COP1: variants seen among roughly 807,000 people sequenced by gnomAD.
The protein encoded by COP1 is COP1 E3 ubiquitin ligase, also known as E3 ubiquitin-protein ligase COP1.
Under a neutral mutation model 101.3 loss-of-function variants are expected in COP1, and 24 were observed. That is an observed-to-expected ratio of 0.24 (90% CI 0.17 to 0.33). COP1 has a LOEUF of 0.33. Ranked by LOEUF, COP1 falls within the 10% of genes least tolerant of loss-of-function variation. COP1 has a pLI of 1.00. For missense variants in COP1, 663 were observed against 906.2 expected (o/e 0.73, Z 3.45); for synonymous variants, 347 against 341.9 (o/e 1.01, Z -0.17).
At chr1:176,032,734 A>T (rs1355820557) in intron 14 of COP1, among the ~76,000 whole-genome samples, 2 of 152,054 alleles carry the variant, frequency 1.3e-5, no homozygotes, top group African/African-American at 4.8e-5. Context: ...AGTCTTTTAT[A>T]ACCTAATTTT....
At chr1:176,084,715 A>AT (rs1679805974) in intron 10 of COP1, among the ~76,000 whole-genome samples, 1 of 152,016 alleles carries the variant, frequency 6.6e-6, no homozygotes, top group East Asian at 1.9e-4. Flanking sequence ...AATCTAATAT[A>AT]TTTTTTCCTA....
At chr1:176,058,824 C>T (rs1482650475) in intron 11 of COP1, among the ~76,000 whole-genome samples, 1 of 136,412 alleles carries the variant, frequency 7.3e-6, no homozygotes, top group Non-Finnish European at 1.6e-5. Context: ...TTCTCCTCCC[C>T]TCTGGAATGT....
intron 5 of COP1, among the ~76,000 whole-genome samples, chr1:176,156,544 C>T (rs1366461854): frequency 6.6e-6 from 1 of 152,100 alleles, no homozygotes; most frequent in Non-Finnish European, 1.5e-5. Flanking sequence ...ATACTACCTA[C>T]TGTTAAGGAC....
chr1:175,995,014 A>G (rs1659757393), intron 15 of COP1, among the ~76,000 whole-genome samples: 1 of 152,192 alleles, frequency 6.6e-6, no homozygotes, highest in Non-Finnish European at 1.5e-5. Flanking sequence ...TCCTCAGCAA[A>G]TGCAAAAGAT....
rs140863803 is a variant in COP1, at chr1:176,147,539, G to A, written c.831+1467C>T. ...AAATATCCAGAAGTATTTGGAACTA[G>A]TATGTTTCTTGGTTAACCCACCTAC... On this transcript the variant is annotated intron_variant, in intron 6 of 19. Transcript: ENST00000367669. Among the ~76,000 whole-genome samples, 129 of 152,246 alleles carry A rather than the reference G, an allele frequency of 8.5e-4. 1 individual carries two copies. The Middle Eastern group carries it at 0.01, about 12-fold the overall frequency.
intron 11 of COP1, among the ~76,000 whole-genome samples, chr1:176,076,218 G>C (rs1256155378): frequency 6.6e-6 from 1 of 151,690 alleles, no homozygotes; most frequent in Non-Finnish European, 1.5e-5. Flanking sequence ...CCACATGCTT[G>C]GCCATAAAGC....
chr1:175,982,564 T>C (rs921694727), intron 18 of COP1, among the ~76,000 whole-genome samples: 2 of 152,204 alleles, frequency 1.3e-5, no homozygotes, highest in Admixed American at 1.3e-4. Context: ...TGTGGGTTAA[T>C]TGTTTATGTT....
intron 15 of COP1, among the ~76,000 whole-genome samples, chr1:176,005,613 A>G (rs548776090): frequency 8.4e-4 from 128 of 152,274 alleles, no homozygotes; most frequent in African/African-American, 2.6e-3. Flanking sequence ...TTATGTACCC[A>G]GTAGTCATTC....
intron 9 of COP1, among the ~76,000 whole-genome samples, chr1:176,108,918 C>A (rs935409084): frequency 2.5e-4 from 38 of 152,104 alleles, no homozygotes; most frequent in African/African-American, 8.7e-4. Flanking sequence ...TCGAAACCAT[C>A]CTGTCCAACA....
At chr1:176,102,588 C>T (rs949995785) in intron 9 of COP1, among the ~76,000 whole-genome samples, 1 of 152,194 alleles carries the variant, frequency 6.6e-6, no homozygotes, top group Non-Finnish European at 1.5e-5. Flanking sequence ...ACTTACTTTA[C>T]AGCTTAAAAA....
At chr1:176,175,656 C>G (rs1274182478) in intron 3 of COP1, among the ~76,000 whole-genome samples, 1 of 152,176 alleles carries the variant, frequency 6.6e-6, no homozygotes, top group African/African-American at 2.4e-5. Context: ...AGACTGGTAC[C>G]AGTCCATGGC....
chr1:176,135,775 G>A (rs577619792), intron 7 of COP1, among the ~76,000 whole-genome samples: 1 of 151,914 alleles, frequency 6.6e-6, no homozygotes. Flanking sequence ...TGCATAATCA[G>A]GTAAAATTAT....
At chr1:176,100,749 C>T (rs752473287) in intron 9 of COP1, among the ~76,000 whole-genome samples, 3 of 152,158 alleles carry the variant, frequency 2.0e-5, no homozygotes, top group African/African-American at 7.2e-5. Flanking sequence ...ATAACTATAT[C>T]CACCAGTTAT....
intron 18 of COP1, among the ~76,000 whole-genome samples, chr1:175,977,534 G>A (rs1293680790): frequency 6.6e-6 from 1 of 151,874 alleles, no homozygotes; most frequent in African/African-American, 2.4e-5. Context: ...GGAAACTGGT[G>A]AATAAAATAG....
intron 15 of COP1, among the ~76,000 whole-genome samples, chr1:176,015,081 T>C (rs1665388678): frequency 6.6e-6 from 1 of 152,112 alleles, no homozygotes. Flanking sequence ...ATGTTTAAGA[T>C]GAGACTGAAG....
At chr1:176,184,827 TAA>T (rs1313454055) in intron 1 of COP1, 135 bp from the exon 2 acceptor site, 1 of 559,824 alleles carries the variant, frequency 1.8e-6, no homozygotes, top group African/African-American at 1.9e-5. Flanking sequence ...ATTCTATCAA[TAA>T]GAGATGAAAT....
intron 11 of COP1, among the ~76,000 whole-genome samples, chr1:176,053,446 C>G (rs1672919547): frequency 6.6e-6 from 1 of 152,130 alleles, no homozygotes; most frequent in Admixed American, 6.6e-5. Flanking sequence ...AGCTCACTGT[C>G]ATTTTCTTAA....
intron 18 of COP1, among the ~76,000 whole-genome samples, chr1:175,949,985 T>A (rs1649668563): frequency 6.6e-6 from 1 of 152,146 alleles, no homozygotes; most frequent in Non-Finnish European, 1.5e-5. Context: ...TTAGCCCCAA[T>A]ATAAATAAGA....
chr1:176,172,183 A>T (rs1477710964), intron 3 of COP1, among the ~76,000 whole-genome samples: 1 of 152,154 alleles, frequency 6.6e-6, no homozygotes. Flanking sequence ...CCAAGAAGCT[A>T]GGACAACAGC....
Sources: allele counts gnomAD v4.1 joint callset (sites outside exome capture counted in the v4.1 genomes callset), GRCh38; gene constraint gnomAD v4.1.1; transcripts MANE v1.5; gene names NCBI Gene and HGNC (gene_info 2026-07-23, HGNC 2026-07-21).